BCAR3: variants seen among roughly 807,000 people sequenced by gnomAD.
BCAR3 encodes the protein breast cancer anti-estrogen resistance protein 3.
A neutral mutation model predicts 80.1 loss-of-function variants in BCAR3; 37 were observed. The observed-to-expected ratio is 0.46, with a 90% confidence interval of 0.36 to 0.61. The LOEUF (loss-of-function observed/expected upper bound fraction) is 0.61. Among genes scored for constraint, BCAR3 ranks in the 20% least tolerant of loss-of-function variants. The pLI is 0.00. For missense variants in BCAR3, 978 were observed against 1,068.2 expected (o/e 0.92, Z 1.18); for synonymous variants, 389 against 418.9 (o/e 0.93, Z 0.87).
rs74101677 is a variant in BCAR3, at chr1:93,710,147, G to T, written c.-62-4005C>A. On this transcript the variant is annotated intron_variant, in intron 2 of 13. Coordinates refer to the BCAR3 transcript ENST00000370244. ...GTATAAACTCACTCCCGGTGGATAGGGGGTGGGAAGCTGGGAAGCTGGGAA... is the reference window on the plus strand; with the variant it reads ...GTATAAACTCACTCCCGGTGGATAGTGGGTGGGAAGCTGGGAAGCTGGGAA... 3.2e-3 allele frequency among the ~76,000 whole-genome samples: 493 copies of T among 152,286 alleles called. 1 individual carries two copies. Among genetic ancestry groups the T allele is most frequent in the African/African-American group, 0.011 (463 of 41,566 alleles).
intron 9 of BCAR3, 187 bp from the exon 10 acceptor site, chr1:93,568,038 T>C: frequency 2.1e-6 from 1 of 484,472 alleles, no homozygotes; most frequent in Non-Finnish European, 3.8e-6. Context: ...ATACAAAAAT[T>C]AGCCAGGCGT....
intron 3 of BCAR3, among the ~76,000 whole-genome samples, chr1:93,617,212 G>C (rs901992395): frequency 1.3e-5 from 2 of 152,232 alleles, no homozygotes; most frequent in African/African-American, 4.8e-5. Flanking sequence ...TGAGTGCAGA[G>C]TCCTTTTCCC....
At chr1:93,748,439 TCC>T (rs1260905349) in intron 2 of BCAR3, among the ~76,000 whole-genome samples, 2 of 152,198 alleles carry the variant, frequency 1.3e-5, no homozygotes, top group Non-Finnish European at 2.9e-5. Flanking sequence ...AAGAACTGTT[TCC>T]ACCTAGAAGC....
intron 2 of BCAR3, among the ~76,000 whole-genome samples, chr1:93,786,148 G>C (rs1234269137): frequency 9.9e-6 from 1 of 101,430 alleles, no homozygotes; most frequent in East Asian, 4.0e-4. Flanking sequence ...AGCCGAGATC[G>C]CGCCACTGCA....
chr1:93,648,260 ATGAGG>A (rs1407720852), intron 2 of BCAR3, among the ~76,000 whole-genome samples: 1 of 152,184 alleles, frequency 6.6e-6, no homozygotes, highest in Non-Finnish European at 1.5e-5. Context: ...AGCAGGGCTT[ATGAGG>A]TGAGGGTTGT....
chr1:93,660,276 C>G (rs1647590366), intron 2 of BCAR3, among the ~76,000 whole-genome samples: 1 of 152,202 alleles, frequency 6.6e-6, no homozygotes, highest in Non-Finnish European at 1.5e-5. Context: ...AGAACTCCCT[C>G]AGCAACAGAA....
intron 3 of BCAR3, among the ~76,000 whole-genome samples, chr1:93,612,169 A>C (rs1674969681): frequency 6.6e-6 from 1 of 152,032 alleles, no homozygotes; most frequent in African/African-American, 2.4e-5. Flanking sequence ...AAACAGGGAG[A>C]CTCATCTTGA....
intron 2 of BCAR3, among the ~76,000 whole-genome samples, chr1:93,818,081 T>G (rs1424318184): frequency 6.6e-6 from 1 of 152,242 alleles, no homozygotes; most frequent in African/African-American, 2.4e-5. Flanking sequence ...ATGGTACTCT[T>G]AATACTGCTG....
intron 3 of BCAR3, 118 bp downstream of exon 3, chr1:93,642,186 G>A (rs751137541): frequency 3.9e-5 from 45 of 1,166,846 alleles, no homozygotes; most frequent in Non-Finnish European, 5.1e-5. Flanking sequence ...TGTTGTTTTG[G>A]AGAGTCTAAT....
chr1:93,584,921 C>T, intron 5 of BCAR3: 1 of 946,854 alleles, frequency 1.1e-6, no homozygotes, highest in Non-Finnish European at 1.3e-6. Flanking sequence ...TTGGCCTTCC[C>T]ATAAGCATAA....
chr1:93,736,947 T>C (rs549536602), intron 2 of BCAR3, among the ~76,000 whole-genome samples: 1 of 152,350 alleles, frequency 6.6e-6, no homozygotes, highest in East Asian at 1.9e-4. Flanking sequence ...CTTACGCATG[T>C]TGAAATGCAG....
intron 7 of BCAR3, among the ~76,000 whole-genome samples, chr1:93,579,739 T>C (rs1322525744): frequency 6.6e-6 from 1 of 152,228 alleles, no homozygotes; most frequent in Admixed American, 6.5e-5. Flanking sequence ...CGGGCTGCTC[T>C]GTAAACCCAG....
intron 2 of BCAR3, among the ~76,000 whole-genome samples, chr1:93,758,983 A>T (rs140145120): frequency 6.6e-6 from 1 of 152,312 alleles, no homozygotes; most frequent in Non-Finnish European, 1.5e-5. Flanking sequence ...AGCCAAGAGC[A>T]TTCAGTGTAT....
At chr1:93,705,373 C>G (rs961651156) in intron 3 of BCAR3, among the ~76,000 whole-genome samples, 2 of 152,196 alleles carry the variant, frequency 1.3e-5, no homozygotes, top group South Asian at 2.1e-4. Flanking sequence ...AACTGACAGA[C>G]CTCCCAGGGA....
At position 93,582,748 on chromosome 1, in the gene BCAR3, G is replaced by C; in HGVS notation, c.1239C>G (p.Leu413=). ...AGGCAGAGGGAGACGAGGGAACCTT[G>C]AGGAACGGCACCTTGCAGGGCTTAG... ...PPPKPCKVPF[L]KVPSSPSAWL... is the part of the protein sequence containing the mutation. Residue 413 remains leucine (L), a synonymous_variant, in exon 7 of 12, where the codon CTC becomes CTG. Transcript: ENST00000260502. 6.2e-7 allele frequency: 1 copy of C among 1,614,144 alleles called. No individual in the cohort carries two copies.
At chr1:93,597,440 G>A (rs1040271819) in intron 3 of BCAR3, among the ~76,000 whole-genome samples, 3 of 152,210 alleles carry the variant, frequency 2.0e-5, no homozygotes, top group Non-Finnish European at 2.9e-5. Context: ...ATATCAAAAA[G>A]TGTTACAGCA....
chr1:93,629,661 A>G (rs952275294), intron 3 of BCAR3, among the ~76,000 whole-genome samples: 2 of 152,326 alleles, frequency 1.3e-5, no homozygotes. Flanking sequence ...TGAGCACTAG[A>G]GGGCAGAGCT....
Position 93,567,761 on chromosome 1 carries a change from T to G in BCAR3, c.2065A>C (p.Lys689Gln). 6.2e-7 allele frequency: 1 copy of G among 1,614,162 alleles called. No homozygotes were observed. Among genetic ancestry groups the G allele is most frequent in the Non-Finnish European group, 8.5e-7 (1 of 1,179,948 alleles). ...LYEKQLKPFS[K>Q]LLHEGRESTC... ...TCACCTCTGCCTTCATGCAGGAGTT[T>G]GCTGAAGGGCTTCAGCTGTTTCTCA... Residue 689 changes from lysine to glutamine, a missense_variant, in exon 10 of 12, where the codon AAA becomes CAA. Coordinates refer to ENST00000260502, the MANE Select transcript of BCAR3 (RefSeq NM_003567.4).
At chr1:93,635,212 CCT>C (rs1675742171) in intron 3 of BCAR3, among the ~76,000 whole-genome samples, 1 of 151,858 alleles carries the variant, frequency 6.6e-6, no homozygotes, top group South Asian at 2.1e-4. Flanking sequence ...AGAATGAGAC[CCT>C]GTTTCTTAAA....
Sources: gnomAD v4.1 joint callset for allele counts (sites outside exome capture counted in the v4.1 genomes callset) on GRCh38, gnomAD v4.1.1 for gene constraint, MANE v1.5 for transcripts, NCBI Gene and HGNC (gene_info 2026-07-23, HGNC 2026-07-21) for gene names.